The following ATRNL1 variants were observed in gnomAD, a reference collection of about 807,000 sequenced individuals.
ATRNL1 encodes the protein attractin-like protein 1.
In ATRNL1, 95 loss-of-function variants were observed where a neutral mutation model predicts 182.7. The observed-to-expected ratio is 0.52, with a 90% CI of 0.44 to 0.62. ATRNL1 has a LOEUF of 0.62. Ranked by LOEUF, ATRNL1 falls within the 20% of genes least tolerant of loss-of-function variation. ATRNL1 has a pLI of 0.00. For synonymous variants in ATRNL1, 576 were observed against 568.3 expected (o/e 1.01, Z -0.19); for missense variants, 1,471 against 1,679.5 (o/e 0.88, Z 2.17).
intron 24 of ATRNL1, among the ~76,000 whole-genome samples, chr10:115,472,931 A>T (rs782737261): frequency 6.6e-5 from 10 of 151,226 alleles, no homozygotes; most frequent in Non-Finnish European, 1.3e-4. Context: ...AATTAGAGGA[A>T]AAACCTTCTG....
At chr10:115,932,240 A>G (rs1307949998) in intron 28 of ATRNL1, among the ~76,000 whole-genome samples, 2 of 152,218 alleles carry the variant, frequency 1.3e-5, no homozygotes, top group African/African-American at 4.8e-5. Flanking sequence ...ACGACTTTCC[A>G]AAAGTCCCTG....
intron 27 of ATRNL1, among the ~76,000 whole-genome samples, chr10:115,775,070 G>T (rs1334635217): frequency 6.6e-6 from 1 of 152,046 alleles, no homozygotes; most frequent in Non-Finnish European, 1.5e-5. Context: ...AATAAATCCT[G>T]CTTTTGATGA....
At chr10:115,591,932 T>C (rs2804203) in intron 26 of ATRNL1, among the ~76,000 whole-genome samples, 148,106 of 152,312 alleles carry the variant, frequency 0.97, 72,172 homozygotes, top group East Asian at 1. Context: ...AGGTGCCCAT[T>C]GAAATTGGAG....
Position 115,600,246 on chromosome 10 carries a change from A to T in ATRNL1, c.3795+50710A>T, listed in dbSNP as rs572991014. On this transcript the variant is annotated intron_variant, in intron 26 of 28. Coordinates refer to ENST00000355044, the MANE Select transcript of ATRNL1 (RefSeq NM_207303.4). ...TTAGAAGCTTTTGTGAAATTTAAAA[A>T]AATTTAACTTGAGTAAATGCCTAAT... is the stretch of plus-strand genomic sequence containing the variant. 3.3e-5 allele frequency among the ~76,000 whole-genome samples: 5 copies of T among 152,322 alleles called. No individual in the cohort carries two copies. In the South Asian group the frequency reaches 1.0e-3, roughly 32 times the overall value.
intron 26 of ATRNL1, among the ~76,000 whole-genome samples, chr10:115,697,929 C>T (rs1476189812): frequency 1.3e-5 from 2 of 152,164 alleles, no homozygotes; most frequent in South Asian, 4.1e-4. Flanking sequence ...TAATTTAATG[C>T]GATATAATTG....
chr10:115,171,042 C>T lies in ATRNL1; in HGVS notation c.1098C>T (p.Asn366=). The T allele has an allele frequency of 2.0e-6, 3 of 1,526,574 alleles. No homozygotes were observed. Among genetic ancestry groups the T allele is most frequent in the Non-Finnish European group, 2.7e-6 (3 of 1,131,160 alleles). The allele number at this position is 1,526,574 out of a possible 1,614,324, so 94.6% of individuals were successfully genotyped here. ...YGHSLALYQE[N]IFMYGGRIET... ...ATATGTATTTTAATTTACAGGAAAA[C>T]ATCTTTATGTATGGAGGCAGAATTG... Residue 366 remains asparagine, a synonymous_variant, in exon 8 of 29, where the codon AAC becomes AAT. Coordinates refer to ENST00000355044, the MANE Select transcript of ATRNL1 (RefSeq NM_207303.4).
intron 23 of ATRNL1, among the ~76,000 whole-genome samples, 199 bp downstream of exon 23, chr10:115,467,451 A>C (rs980979266): frequency 2.3e-4 from 35 of 150,904 alleles, no homozygotes; most frequent in Admixed American, 1.0e-3. Flanking sequence ...TTATTCAATT[A>C]AAATTAGATT....
At chr10:115,709,773 A>G (rs888870276) in intron 26 of ATRNL1, among the ~76,000 whole-genome samples, 1 of 152,020 alleles carries the variant, frequency 6.6e-6, no homozygotes, top group Non-Finnish European at 1.5e-5. Flanking sequence ...TTGTTATTCA[A>G]ATCCTGCACA....
At chr10:115,700,074 T>G (rs1164646961) in intron 26 of ATRNL1, among the ~76,000 whole-genome samples, 1 of 152,234 alleles carries the variant, frequency 6.6e-6, no homozygotes, top group East Asian at 1.9e-4. Context: ...CACATTTTCT[T>G]TATTCATCTG....
At chr10:115,382,638 G>A (rs544678733) in intron 19 of ATRNL1, among the ~76,000 whole-genome samples, 34 of 148,374 alleles carry the variant, frequency 2.3e-4, no homozygotes, top group Middle Eastern at 3.7e-3. Flanking sequence ...TATGTGAGTC[G>A]TAATAGCTTC....
chr10:115,669,528 A>T (rs1249038605), intron 26 of ATRNL1, among the ~76,000 whole-genome samples: 1 of 152,104 alleles, frequency 6.6e-6, no homozygotes, highest in African/African-American at 2.4e-5. Flanking sequence ...TGTGCTCCTG[A>T]TATATTCCCA....
intron 27 of ATRNL1, among the ~76,000 whole-genome samples, chr10:115,760,224 T>C (rs1948701616): frequency 6.6e-6 from 1 of 151,976 alleles, no homozygotes; most frequent in Non-Finnish European, 1.5e-5. Flanking sequence ...TTGGTTTTAA[T>C]GGTTTTGTTT....
At position 115,491,602 on chromosome 10, in the gene ATRNL1, A is replaced by G. The variant is rs1306070251; in HGVS notation, c.3654+22273A>G. ...AGTGGTGGACGCCACTCCCCCCACC[A>G]AGCTGGAGCATCCCAGTTCAACCTC... On this transcript the variant is annotated intron_variant, in intron 24 of 28. Coordinates refer to ENST00000355044, the MANE Select transcript of ATRNL1 (RefSeq NM_207303.4). Among the ~76,000 whole-genome samples the G allele has an allele frequency of 8.6e-5, 13 of 152,020 alleles. No individual in the cohort carries two copies. The East Asian group carries it at 2.5e-3, about 30-fold the overall frequency.
At chr10:115,591,109 A>G (rs114822221) in intron 26 of ATRNL1, among the ~76,000 whole-genome samples, 6 of 152,352 alleles carry the variant, frequency 3.9e-5, no homozygotes, top group African/African-American at 1.4e-4. Flanking sequence ...ATACGTGTAT[A>G]TATTAATACA....
chr10:115,600,744 A>C (rs1268944537), intron 26 of ATRNL1, among the ~76,000 whole-genome samples: 1 of 151,964 alleles, frequency 6.6e-6, no homozygotes, highest in African/African-American at 2.4e-5. Flanking sequence ...GAATTTGATA[A>C]AATTTTATTC....
Position 115,322,483 on chromosome 10 carries a change from C to T in ATRNL1, c.3037+6747C>T, listed in dbSNP as rs528759536. ...TTTTATGGTTATAGGACAAATAATA[C>T]CATTATATACATATATTTAAAAATA... is the stretch of plus-strand genomic sequence containing the variant. On this transcript the variant is annotated intron_variant, in intron 18 of 28. Transcript: ENST00000355044. 1.5e-3 allele frequency among the ~76,000 whole-genome samples: 223 copies of T among 151,676 alleles called. 1 individual carries two copies. The highest frequency in any genetic ancestry group is 5.1e-3 in the African/African-American group (211 of 41,402).
chr10:115,627,076 A>C (rs907182409), intron 26 of ATRNL1, among the ~76,000 whole-genome samples: 2 of 152,158 alleles, frequency 1.3e-5, no homozygotes, highest in Non-Finnish European at 2.9e-5. Context: ...AACCATTTTA[A>C]ACAGCCCGGT....
intron 28 of ATRNL1, among the ~76,000 whole-genome samples, chr10:115,872,552 T>G (rs889713255): frequency 6.6e-6 from 1 of 152,170 alleles, no homozygotes; most frequent in Non-Finnish European, 1.5e-5. Flanking sequence ...GCAAGTAAAC[T>G]GATAAGACAC....
At chr10:115,462,157 T>C (rs1207891965) in intron 22 of ATRNL1, 122 bp downstream of exon 22, 16 of 538,060 alleles carry the variant, frequency 3.0e-5, no homozygotes, top group Admixed American at 7.9e-5. Flanking sequence ...AAACTACTAA[T>C]CCTATTAATT....
Sources: allele counts gnomAD v4.1 joint callset (sites outside exome capture counted in the v4.1 genomes callset), GRCh38; gene constraint gnomAD v4.1.1; transcripts MANE v1.5; gene names NCBI Gene and HGNC (gene_info 2026-07-23, HGNC 2026-07-21).